The following GART variants were observed in gnomAD, a reference collection of about 807,000 sequenced individuals.
GART encodes the protein phosphoribosylglycinamide formyltransferase, phosphoribosylglycinamide synthetase, phosphoribosylaminoimidazole synthetase.
In GART, 43 loss-of-function variants were observed where a neutral mutation model predicts 107.2. That is an observed-to-expected ratio of 0.40 (90% CI 0.31 to 0.52). The LOEUF is 0.52. Among genes scored for constraint, GART ranks in the 20% least tolerant of loss-of-function variants. The pLI is 0.52. For synonymous variants in GART, 434 were observed against 427.0 expected (o/e 1.02, Z -0.20); for missense variants, 1,107 against 1,206.5 (o/e 0.92, Z 1.22).
At chr21:33,510,505 A>G (rs2084766717) in intron 17 of GART, among the ~76,000 whole-genome samples, 1 of 151,412 alleles carries the variant, frequency 6.6e-6, no homozygotes, top group South Asian at 2.1e-4. Flanking sequence ...AATGTTTTGT[A>G]TTTATTAGTA....
At position 33,505,865 on chromosome 21, in the gene GART, C is replaced by T. The variant is rs547074240; in HGVS notation, c.2583+109G>A. The T allele has an allele frequency of 1.9e-5, 29 of 1,490,292 alleles. No individual in the cohort carries two copies. In the East Asian group the frequency reaches 6.1e-4, roughly 31 times the overall value. The allele number at this position is 1,490,292 out of a possible 1,614,324, so 92.3% of individuals were successfully genotyped here. On this transcript the variant is annotated intron_variant, in intron 19 of 21. Coordinates refer to ENST00000381815, the MANE Select transcript of GART (RefSeq NM_000819.5). ...TGAAGAAGGCAAGCCCAGCACCCAC[C>T]CAAAATGGCGAAGTCCCAAGAACAA...
At chr21:33,511,526 T>C in intron 16 of GART, 68 bp from the exon 17 acceptor site, 1 of 1,431,978 alleles carries the variant, frequency 7.0e-7, no homozygotes, top group Non-Finnish European at 9.8e-7. Flanking sequence ...AGTATGCACA[T>C]ATTCAAAGAT....
At chr21:33,537,957 T>C (rs1017547340) in intron 2 of GART, among the ~76,000 whole-genome samples, 5 of 151,870 alleles carry the variant, frequency 3.3e-5, no homozygotes, top group Non-Finnish European at 7.4e-5. Flanking sequence ...GAGATAAGGG[T>C]GGAGGCTGGG....
chr21:33,527,360 A>T (rs1287739234), intron 10 of GART, among the ~76,000 whole-genome samples: 1 of 152,080 alleles, frequency 6.6e-6, no homozygotes, highest in Admixed American at 6.6e-5. Flanking sequence ...CTCTACTAAA[A>T]ATACAGAAAT....
chr21:33,530,404 CACACACAGAT>C (rs916041884), intron 7 of GART, among the ~76,000 whole-genome samples: 3 of 152,286 alleles, frequency 2.0e-5, no homozygotes, highest in Admixed American at 6.5e-5. Context: ...ATATCACACA[CACACACAGAT>C]ACACACAGAC....
At chr21:33,504,596 T>C (rs1360871267) in intron 20 of GART, 69 bp from the exon 21 acceptor site, 1 of 1,112,532 alleles carries the variant, frequency 9.0e-7, no homozygotes, top group Non-Finnish European at 1.3e-6. Flanking sequence ...GGAATACGTT[T>C]TCCTATCTAG....
chr21:33,531,659 A>C, intron 5 of GART, 102 bp from the exon 6 acceptor site: 1 of 968,394 alleles, frequency 1.0e-6, no homozygotes, highest in East Asian at 2.6e-5. Context: ...TGTATTATGA[A>C]CCAGTGAGTA....
chr21:33,515,935 G>A (rs964819289), intron 16 of GART, among the ~76,000 whole-genome samples: 7 of 151,808 alleles, frequency 4.6e-5, no homozygotes, highest in South Asian at 2.1e-4. Flanking sequence ...CTGACACTGC[G>A]GACCAGTGTC....
At chr21:33,530,167 G>C (rs1434664945) in intron 7 of GART, among the ~76,000 whole-genome samples, 1 of 152,212 alleles carries the variant, frequency 6.6e-6, no homozygotes, top group African/African-American at 2.4e-5. Flanking sequence ...ACCCCAGCCT[G>C]GTAACAGAGC....
Position 33,524,915 on chromosome 21 carries a change from A to G in GART, c.1152T>C (p.Gly384=), listed in dbSNP as rs1466075348. The change falls in exon 11 of 22, where the codon GGT becomes GGC. Residue 384 remains glycine, a synonymous_variant. Coordinates refer to ENST00000381815, the MANE Select transcript of GART (RefSeq NM_000819.5). The part of the protein sequence containing the change: ...LKNGKVVTHG[G]RVLAVTAIRE... Reference sequence around the variant, plus strand: ...GGATGGCTGTGACTGCAAGAACTCTACCCCCATGAGTTACTACTTTGCCAT... The same window carrying G: ...GGATGGCTGTGACTGCAAGAACTCTGCCCCCATGAGTTACTACTTTGCCAT... 5 of 1,613,706 alleles carry G rather than the reference A, an allele frequency of 3.1e-6. No individual in the cohort carries two copies. The highest frequency in any genetic ancestry group is 2.2e-5 in the East Asian group (1 of 44,898).
In GART at chr21:33,530,815, C is replaced by T. The variant is rs756715417; in HGVS notation, c.667G>A (p.Glu223Lys). 2.6e-6 allele frequency: 4 copies of T among 1,539,382 alleles called. No homozygotes were observed. The Admixed American group carries it at 6.6e-5, about 25-fold the overall frequency. Reference protein sequence around the residue: ...PPAQDHKRLLEGDGGPNTGGM... With the variant: ...PPAQDHKRLLKGDGGPNTGGM... ...CCTGTGTTAGGGCCACCATCTCCCT[C>T]CAGTAATCGCTTATGGTCCTGTGCT... The change falls in exon 7 of 22, where the codon GAG becomes AAG. Residue 223 changes from glutamate (E) to lysine (K), a missense_variant. Coordinates refer to ENST00000381815, the MANE Select transcript of GART (RefSeq NM_000819.5).
intron 1 of GART, among the ~76,000 whole-genome samples, chr21:33,540,337 G>A (rs1004725498): frequency 1.3e-5 from 2 of 152,208 alleles, no homozygotes; most frequent in Non-Finnish European, 1.5e-5. Context: ...CTTTATGTAC[G>A]GATACTATAA....
intron 11 of GART, among the ~76,000 whole-genome samples, chr21:33,523,749 C>T (rs1238054111): frequency 2.0e-5 from 3 of 151,812 alleles, no homozygotes; most frequent in African/African-American, 7.3e-5. Flanking sequence ...GGCAGATCAC[C>T]TGAGGTCAGG....
At chr21:33,523,110 CA>C (rs2085001956) in intron 11 of GART, among the ~76,000 whole-genome samples, 1 of 152,148 alleles carries the variant, frequency 6.6e-6, no homozygotes, top group African/African-American at 2.4e-5. Context: ...ATTTAGAGAT[CA>C]AATTTTTGAA....
At chr21:33,531,334 C>T in intron 6 of GART, 155 bp downstream of exon 6, 2 of 685,366 alleles carry the variant, frequency 2.9e-6, no homozygotes, top group Non-Finnish European at 5.0e-6. Context: ...TTTTCATTTG[C>T]ACCCCCAACA....
upstream of GART, chr21:33,542,881 G>C: frequency 1.7e-6 from 1 of 599,142 alleles, no homozygotes; most frequent in Non-Finnish European, 3.0e-6. Context: ...CGGCGCAAAC[G>C]TCAGCACCTC....
At chr21:33,522,112 C>T in intron 12 of GART, 76 bp downstream of exon 12, 1 of 1,108,658 alleles carries the variant, frequency 9.0e-7, no homozygotes, top group South Asian at 1.3e-5. Context: ...GAAAATATTC[C>T]TGTTAAATAT....
chr21:33,537,454 C>G (rs1435088360), intron 2 of GART, among the ~76,000 whole-genome samples: 1 of 152,172 alleles, frequency 6.6e-6, no homozygotes, highest in Non-Finnish European at 1.5e-5. Flanking sequence ...GTTCCTTGCC[C>G]TCATGGAGCT....
intron 16 of GART, among the ~76,000 whole-genome samples, chr21:33,515,417 G>A (rs2084855788): frequency 1.3e-5 from 2 of 152,096 alleles, no homozygotes; most frequent in African/African-American, 4.8e-5. Flanking sequence ...CAAGGCGGGT[G>A]GATCATGAGG....
Sources: gnomAD v4.1 joint callset for allele counts (sites outside exome capture counted in the v4.1 genomes callset) on GRCh38, gnomAD v4.1.1 for gene constraint, MANE v1.5 for transcripts, NCBI Gene and HGNC (gene_info 2026-07-23, HGNC 2026-07-21) for gene names.